HDAC2: variants seen among roughly 807,000 people sequenced by gnomAD.
HDAC2 encodes histone deacetylase 2.
Under a neutral mutation model 68.5 loss-of-function variants are expected in HDAC2, and 5 were observed. The observed-to-expected ratio is 0.07, with a 90% confidence interval of 0.04 to 0.15. The LOEUF (loss-of-function observed/expected upper bound fraction) is 0.15, where lower values mean the gene tolerates loss of function less well. Ranked by LOEUF, HDAC2 falls within the 10% of genes least tolerant of loss-of-function variation. The probability of loss-of-function intolerance (pLI) is 1.00; values close to 1 mark genes in which losing one functional copy is unlikely to be tolerated. For synonymous variants in HDAC2, 182 were observed against 191.3 expected (o/e 0.95, Z 0.40); for missense variants, 291 against 600.8 (o/e 0.48, Z 5.39).
chr6:113,969,452 C>T (rs1776920439), intron 1 of HDAC2, among the ~76,000 whole-genome samples: 4 of 152,158 alleles, frequency 2.6e-5, no homozygotes, highest in Admixed American at 2.6e-4. Context: ...GCTCTGGGGT[C>T]TTACTTCTCT....
intron 1 of HDAC2, among the ~76,000 whole-genome samples, chr6:113,965,155 G>A (rs1776783000): frequency 6.6e-6 from 1 of 151,964 alleles, no homozygotes; most frequent in Non-Finnish European, 1.5e-5. Flanking sequence ...ACACAGTTTT[G>A]TGCAGTCCCA....
intron 1 of HDAC2, among the ~76,000 whole-genome samples, chr6:113,963,797 CACA>C (rs2114617966): frequency 6.6e-6 from 1 of 152,240 alleles, no homozygotes; most frequent in Admixed American, 6.5e-5. Flanking sequence ...GTTCCTTGAA[CACA>C]ACAAACTTTA....
In HDAC2 at chr6:113,971,112, A is replaced by G; in HGVS notation, c.-204T>C. The G allele has an allele frequency of 6.5e-7, 1 of 1,531,320 alleles. No homozygotes were observed. Among genetic ancestry groups the G allele is most frequent in the Non-Finnish European group, 8.8e-7 (1 of 1,134,772 alleles). 94.9% of individuals were successfully genotyped at this position (1,531,320 alleles called of 1,614,324 possible). A position where few individuals can be genotyped will look rare whatever the true frequency, so the allele number is the denominator to read the frequency against. On this transcript the variant is annotated 5_prime_UTR_variant, in exon 1 of 14. Transcript: ENST00000519065. ...CCGGCAGAGGTGCCGAAAGCTCGGA[A>G]TCGGAGGTGGCAGCGGCACCAACTC...
rs1185487690 is a variant in HDAC2, at chr6:113,939,140, C to T, written c.*1918G>A. 1.3e-5 allele frequency: 2 copies of T among 152,234 alleles called. No individual in the cohort carries two copies. Among genetic ancestry groups the T allele is most frequent in the African/African-American group, 2.4e-5 (1 of 41,442 alleles). 9.4% of individuals were successfully genotyped at this position (152,234 alleles called of 1,614,324 possible). On this transcript the variant is annotated 3_prime_UTR_variant, in exon 14 of 14. Coordinates refer to ENST00000519065, the MANE Select transcript of HDAC2 (RefSeq NM_001527.4). Reference sequence around the variant, plus strand: ...TTCCGTCTTCACTGTTCCATCTCCTCCATCCACTACTCCAGGATCTCATAG... The same window carrying T: ...TTCCGTCTTCACTGTTCCATCTCCTTCATCCACTACTCCAGGATCTCATAG...
chr6:113,955,041 C>A (rs1382096515), intron 5 of HDAC2, among the ~76,000 whole-genome samples: 1 of 152,164 alleles, frequency 6.6e-6, no homozygotes. Flanking sequence ...AAAAAATTTC[C>A]TTTAACACTG....
intron 1 of HDAC2, 149 bp from the exon 2 acceptor site, chr6:113,960,167 CA>C: frequency 1.6e-6 from 1 of 631,202 alleles, no homozygotes. Flanking sequence ...TTGCAACTTT[CA>C]AACTGTATCA....
At chr6:113,945,886 C>T in intron 9 of HDAC2, 122 bp downstream of exon 9, 1 of 777,794 alleles carries the variant, frequency 1.3e-6, no homozygotes, top group Non-Finnish European at 2.2e-6. Context: ...GTATTATATC[C>T]ATTTTCTACT....
chr6:113,943,209 T>C (rs1257596113), intron 12 of HDAC2, 142 bp downstream of exon 12: 4 of 613,536 alleles, frequency 6.5e-6, no homozygotes, highest in South Asian at 2.3e-5. Flanking sequence ...GTACCACTTA[T>C]ATGTAAGAAA....
At position 113,942,072 on chromosome 6, in the gene HDAC2, T is replaced by C. The variant is rs73548604; in HGVS notation, c.1379-307A>G. Among the ~76,000 whole-genome samples the C allele has an allele frequency of 3.6e-3, 549 of 152,126 alleles. 5 individuals are homozygous for C. The highest frequency in any genetic ancestry group is 0.012 in the African/African-American group (514 of 41,560). ...CAGTAGGCTGAAGAATTTTAACAAC[T>C]GCAAGGCCCTATCGAAAGAGCCTCA... is the stretch of plus-strand genomic sequence containing the variant. On this transcript the variant is annotated intron_variant, in intron 12 of 13. Coordinates refer to ENST00000519065, the MANE Select transcript of HDAC2 (RefSeq NM_001527.4).
rs780234086 is a variant in HDAC2 at position 113,970,966 on chromosome 6, G to GCTGCTGCTT, written c.-59_-58insAAGCAGCAG. ...TCCTCCTGCTGCTGCTGCTGCTGCT[G>GCTGCTGCTT]CTGCCGCCGCGGCTCGGCCGGGAGA... On this transcript the variant is annotated 5_prime_UTR_variant, in exon 1 of 14. Coordinates refer to ENST00000519065, the MANE Select transcript of HDAC2 (RefSeq NM_001527.4). The GCTGCTGCTT allele has an allele frequency of 1.2e-4, 188 of 1,564,702 alleles. 3 individuals are homozygous for GCTGCTGCTT. In the Admixed American group the frequency reaches 3.5e-3, roughly 29 times the overall value.
In HDAC2 at chr6:113,948,883, A is replaced by C. The variant is rs558970898; in HGVS notation, c.841+96T>G. On this transcript the variant is annotated intron_variant, in intron 8 of 13. Transcript: ENST00000519065. ...AAAATGCAGAGTACAGTGTTAAAACAGCAGGCAAGAAACTACAATGAGAAC... is the reference window on the plus strand; with the variant it reads ...AAAATGCAGAGTACAGTGTTAAAACCGCAGGCAAGAAACTACAATGAGAAC... The C allele has an allele frequency of 8.7e-6, 12 of 1,376,954 alleles. No individual in the cohort carries two copies. In the South Asian group the frequency reaches 1.5e-4, roughly 18 times the overall value. 85.3% of individuals were successfully genotyped at this position (1,376,954 alleles called of 1,614,324 possible).
chr6:113,948,953 G>C (rs377428871), intron 8 of HDAC2, 26 bp downstream of exon 8: 40 of 1,597,820 alleles, frequency 2.5e-5, no homozygotes, highest in Non-Finnish European at 3.0e-5. Context: ...TTTTTTTCTG[G>C]AAATACCACC....
At chr6:113,970,007 A>G (rs1181878158) in intron 1 of HDAC2, 1 of 152,254 alleles carries the variant, frequency 6.6e-6, no homozygotes, top group African/African-American at 2.4e-5. Flanking sequence ...AGTCTGATCT[A>G]CAACACAAGC....
At chr6:113,962,625 C>T (rs1776711411) in intron 1 of HDAC2, among the ~76,000 whole-genome samples, 1 of 152,136 alleles carries the variant, frequency 6.6e-6, no homozygotes. Flanking sequence ...CTAAATGATA[C>T]ATGTATACAG....
intron 1 of HDAC2, among the ~76,000 whole-genome samples, chr6:113,960,939 C>A (rs2114614107): frequency 6.6e-6 from 1 of 152,146 alleles, no homozygotes; most frequent in East Asian, 1.9e-4. Flanking sequence ...TACAGTGTAA[C>A]AACTATTTAC....
intron 8 of HDAC2, chr6:113,946,640 TAA>T (rs1425318320): frequency 1.3e-5 from 2 of 152,110 alleles, no homozygotes; most frequent in Admixed American, 1.3e-4. Flanking sequence ...TTTCCTAACT[TAA>T]GAGTTAAAAA....
At chr6:113,950,848 A>G (rs992643550) in intron 6 of HDAC2, among the ~76,000 whole-genome samples, 2 of 152,166 alleles carry the variant, frequency 1.3e-5, no homozygotes, top group African/African-American at 4.8e-5. Flanking sequence ...AGCAAAATTT[A>G]CCCTCAATAT....
chr6:113,936,262 C>T lies in HDAC2; in HGVS notation c.*4796G>A, dbSNP rs1183176497. 1 of 151,952 alleles carries T rather than the reference C, an allele frequency of 6.6e-6. No individual in the cohort carries two copies. Among genetic ancestry groups the T allele is most frequent in the Non-Finnish European group, 1.5e-5 (1 of 67,986 alleles). 9.4% of individuals were successfully genotyped at this position (151,952 alleles called of 1,614,324 possible). A position where few individuals can be genotyped will look rare whatever the true frequency, so the allele number is the denominator to read the frequency against. ...GCCACCAAGTGACTATAAGAGAAAA[C>T]ACACAGAAAAAAAAATTTTAAATGC... On this transcript the variant is annotated 3_prime_UTR_variant, in exon 14 of 14. Transcript: ENST00000519065.
At chr6:113,970,788 C>A in intron 1 of HDAC2, 69 bp downstream of exon 1, 2 of 1,446,102 alleles carry the variant, frequency 1.4e-6, no homozygotes, top group Admixed American at 2.9e-5. Context: ...GGCGCCCACT[C>A]GCGACGGCAG....
Sources: gnomAD v4.1 joint callset for allele counts (sites outside exome capture counted in the v4.1 genomes callset) on GRCh38, gnomAD v4.1.1 for gene constraint, MANE v1.5 for transcripts, NCBI Gene and HGNC (gene_info 2026-07-23, HGNC 2026-07-21) for gene names.